Variants in COL6A6 observed in about 807,000 individuals in gnomAD.
COL6A6 encodes collagen type VI alpha 6 chain.
A neutral mutation model predicts 208.6 loss-of-function variants in COL6A6; 183 were observed. That is an observed-to-expected ratio of 0.88 (90% CI 0.78 to 0.99). The LOEUF is 0.99. Ranked by LOEUF, COL6A6 falls within the 50% of genes least tolerant of loss-of-function variation. The pLI, the probability that COL6A6 is intolerant of heterozygous loss-of-function variation, is 0.00. For synonymous variants in COL6A6, 973 were observed against 1,011.8 expected (o/e 0.96, Z 0.73); for missense variants, 2,816 against 2,815.2 (o/e 1.00, Z -0.01).
chr3:130,594,398 G>A, intron 18 of COL6A6, 55 bp downstream of exon 18: 1 of 1,356,554 alleles, frequency 7.4e-7, no homozygotes, highest in East Asian at 2.3e-5. Flanking sequence ...CCGTACTTCT[G>A]ATAGGGAGTC....
intron 26 of COL6A6, among the ~76,000 whole-genome samples, chr3:130,628,303 C>T (rs537183107): frequency 2.0e-5 from 3 of 152,300 alleles, no homozygotes; most frequent in South Asian, 4.1e-4. Context: ...GGCATTGGAA[C>T]ATTAGCCACC....
intron 11 of COL6A6, 53 bp downstream of exon 11, chr3:130,586,713 T>C: frequency 6.5e-7 from 1 of 1,529,828 alleles, no homozygotes; most frequent in Non-Finnish European, 8.9e-7. Flanking sequence ...ATTTTGTATA[T>C]AAGTTTAATA....
At chr3:130,651,991 C>T (rs1226247894) in intron 33 of COL6A6, among the ~76,000 whole-genome samples, 1 of 152,158 alleles carries the variant, frequency 6.6e-6, no homozygotes, top group Non-Finnish European at 1.5e-5. Flanking sequence ...AGAAGTTCAT[C>T]TCAAAAGAGC....
At chr3:130,583,392 T>C (rs2063467704) in intron 10 of COL6A6, among the ~76,000 whole-genome samples, 1 of 152,162 alleles carries the variant, frequency 6.6e-6, no homozygotes, top group Non-Finnish European at 1.5e-5. Context: ...GTGGTTGCTG[T>C]TATTTTGTTT....
rs368029464 is a variant in COL6A6 at position 130,574,329 on chromosome 3, G to C, written c.3351G>C (p.Glu1117Asp). The change falls in exon 8 of 37, where the codon GAG becomes GAC. Residue 1117 changes from glutamate to aspartate, a missense_variant. Transcript: ENST00000358511. ...LVLTDGQSQDEVAQAAEALRH... is the reference protein window; with the variant it reads ...LVLTDGQSQDDVAQAAEALRH... ...TTACAGATGGCCAGTCCCAAGACGAGGTGGCCCAGGCCGCGGAAGCCCTGA... is the reference window on the plus strand; with the variant it reads ...TTACAGATGGCCAGTCCCAAGACGACGTGGCCCAGGCCGCGGAAGCCCTGA... The C allele has an allele frequency of 6.2e-7, 1 of 1,614,012 alleles. No homozygotes were observed. Among genetic ancestry groups the C allele is most frequent in the South Asian group, 1.1e-5 (1 of 91,084 alleles).
In COL6A6 at chr3:130,616,206, C is replaced by CTATAA. The variant is rs1553800957; in HGVS notation, c.4815+5495_4815+5496insTATAA. 3.6e-3 allele frequency among the ~76,000 whole-genome samples: 542 copies of CTATAA among 152,086 alleles called. 5 individuals are homozygous for CTATAA. The highest frequency in any genetic ancestry group is 0.012 in the African/African-American group (517 of 41,498). ...TATTCTTCACCGGTTCTATAAATTC[C>CTATAA]CTGCCATAGGTTTCATATTGTTTTA... On this transcript the variant is annotated intron_variant, in intron 23 of 36. Coordinates refer to ENST00000358511, the MANE Select transcript of COL6A6 (RefSeq NM_001102608.3).
chr3:130,523,454 G>T (rs1711198514), intron 1 of COL6A6, among the ~76,000 whole-genome samples: 1 of 152,146 alleles, frequency 6.6e-6, no homozygotes, highest in South Asian at 2.1e-4. Context: ...CTGAAATCAG[G>T]TTCCTTACTA....
intron 20 of COL6A6, among the ~76,000 whole-genome samples, chr3:130,602,903 A>G (rs1005278886): frequency 1.3e-5 from 2 of 152,296 alleles, no homozygotes; most frequent in African/African-American, 4.8e-5. Flanking sequence ...CATCATTCTC[A>G]TAACAGTAAA....
Position 130,566,987 on chromosome 3 carries a change from T to C in COL6A6, c.1568T>C (p.Leu523Pro). ...ACAGGCGCAGCACTGAATTTCACACTGAGTCTGTTGCAAAAAGCAAAGAAG... is the reference window on the plus strand; with the variant it reads ...ACAGGCGCAGCACTGAATTTCACACCGAGTCTGTTGCAAAAAGCAAAGAAG... ...TNTGAALNFT[L>P]SLLQKAKKQR... Residue 523 changes from leucine (L) to proline (P), a missense_variant, in exon 5 of 37, where the codon CTG becomes CCG. Leu to Pro is a moderately conservative substitution (Grantham distance 98). Transcript: ENST00000358511. 3 of 1,614,060 alleles carry C rather than the reference T, an allele frequency of 1.9e-6. No individual in the cohort carries two copies. The highest frequency in any genetic ancestry group is 4.5e-5 in the East Asian group (2 of 44,884).
At chr3:130,622,289 C>T (rs1267146982) in intron 24 of COL6A6, among the ~76,000 whole-genome samples, 9 of 143,028 alleles carry the variant, frequency 6.3e-5, no homozygotes, top group South Asian at 2.3e-4. Flanking sequence ...ACTGAGCGTT[C>T]GGTTGGGCTG....
In COL6A6 at chr3:130,573,936, G is replaced by A; in HGVS notation, c.2978-20G>A. Reference sequence around the variant, plus strand: ...AGAATAACAATCTGGGTTTTCTGTTGTTCCTTCTCTTCTTTGTAGATTGTG... The same window carrying A: ...AGAATAACAATCTGGGTTTTCTGTTATTCCTTCTCTTCTTTGTAGATTGTG... On this transcript the variant is annotated intron_variant, in intron 7 of 36. Transcript: ENST00000358511. 2 of 1,521,530 alleles carry A rather than the reference G, an allele frequency of 1.3e-6. No homozygotes were observed. The highest frequency in any genetic ancestry group is 2.3e-5 in the East Asian group (1 of 44,296). The allele number at this position is 1,521,530 out of a possible 1,614,324, so 94.3% of individuals were successfully genotyped here.
In COL6A6 at chr3:130,675,339, C is replaced by T. The variant is rs1208047704; in HGVS notation, c.6734C>T (p.Thr2245Ile). Residue 2245 changes from threonine (T) to isoleucine (I), a missense_variant, in exon 37 of 37, where the codon ACC becomes ATC. Transcript: ENST00000358511. ...DDAIQNFMRS[T>I]SHTFKNGRMI... ...GCTATTCAAAATTTTATGAGAAGCA[C>T]CTCCCATACCTTTAAGAATGGAAGG... The T allele has an allele frequency of 3.7e-6, 6 of 1,600,862 alleles. No individual in the cohort carries two copies. The African/African-American group carries it at 8.0e-5, about 21-fold the overall frequency.
chr3:130,627,251 C>A, intron 25 of COL6A6, 68 bp from the exon 26 acceptor site: 1 of 1,450,898 alleles, frequency 6.9e-7, no homozygotes, highest in Non-Finnish European at 9.7e-7. Context: ...GCAATGTTGT[C>A]CTCTTGAAGA....
At chr3:130,575,315 A>G (rs996314390) in intron 8 of COL6A6, among the ~76,000 whole-genome samples, 1 of 152,236 alleles carries the variant, frequency 6.6e-6, no homozygotes, top group African/African-American at 2.4e-5. Context: ...GTTCAAAAGA[A>G]CATTGTGAGG....
chr3:130,615,332 T>A (rs1373688606), intron 23 of COL6A6, among the ~76,000 whole-genome samples: 1 of 152,168 alleles, frequency 6.6e-6, no homozygotes, highest in Non-Finnish European at 1.5e-5. Context: ...TTTTTCTAAT[T>A]TGCTGAGGAT....
Position 130,571,184 on chromosome 3 carries a change from C to G in COL6A6, c.2768C>G (p.Ser923Cys). 3.1e-6 allele frequency: 5 copies of G among 1,613,378 alleles called. No homozygotes were observed. The highest frequency in any genetic ancestry group is 4.2e-6 in the Non-Finnish European group (5 of 1,179,568). ...QVLIVITDGE[S>C]HDADKLNATA... Reference sequence around the variant, plus strand: ...CTCATTGTGATCACCGATGGGGAATCCCATGATGCTGATAAACTCAATGCC... The same window carrying G: ...CTCATTGTGATCACCGATGGGGAATGCCATGATGCTGATAAACTCAATGCC... The change falls in exon 7 of 37, where the codon TCC (serine) becomes TGC (cysteine). Residue 923 changes from serine to cysteine, a missense_variant. Ser to Cys is a moderately radical substitution (Grantham distance 112, BLOSUM62 -1). Transcript: ENST00000358511.
In COL6A6 at chr3:130,635,771, T is replaced by C; in HGVS notation, c.5091+10T>C. The C allele has an allele frequency of 6.2e-7, 1 of 1,604,234 alleles. No individual in the cohort carries two copies. The highest frequency in any genetic ancestry group is 8.5e-7 in the Non-Finnish European group (1 of 1,171,670). ...AGCTAGAGGCAAAATGGTAAGCTTC[T>C]TAGATTCCAATTGCTGACAACCTCA... On this transcript the variant is annotated intron_variant, in intron 28 of 36. Coordinates refer to ENST00000358511, the MANE Select transcript of COL6A6 (RefSeq NM_001102608.3).
rs151016460 is a variant in COL6A6, at chr3:130,597,393, T to G, written c.4534-972T>G. On this transcript the variant is annotated intron_variant, in intron 18 of 36. Coordinates refer to ENST00000358511, the MANE Select transcript of COL6A6 (RefSeq NM_001102608.3). The stretch of plus-strand genomic sequence containing the variant: ...CCATCTTTTTCATCCCATTAACTTA[T>G]AAGCTCTGTAAGTACAAAACCATTT... Among the ~76,000 whole-genome samples the G allele has an allele frequency of 1.4e-3, 215 of 152,354 alleles. 4 individuals carry two copies. The East Asian group carries it at 0.034, about 24-fold the overall frequency.
rs762764814 is a variant in COL6A6, at chr3:130,563,141, GA to G, written c.142del (p.Met48CysfsTer6). On this transcript the variant is annotated frameshift_variant, in exon 3 of 37. Coordinates refer to ENST00000358511, the MANE Select transcript of COL6A6 (RefSeq NM_001102608.3). LOFTEE classifies it high-confidence loss of function. The stretch of plus-strand genomic sequence containing the variant: ...TGGGATCCAAGTCCTTCCCATTTGT[GA>G]AAATGTTCATCACCAAAATGATCAG... ...RLGSKSFPFV[K>X]MFITKMISSL... 1.8e-5 allele frequency: 29 copies of G among 1,613,866 alleles called. No individual in the cohort carries two copies. The highest frequency in any genetic ancestry group is 1.9e-5 in the Non-Finnish European group (23 of 1,179,892).
Sources: allele counts gnomAD v4.1 joint callset (sites outside exome capture counted in the v4.1 genomes callset), GRCh38; gene constraint gnomAD v4.1.1; transcripts MANE v1.5; gene names NCBI Gene and HGNC (gene_info 2026-07-23, HGNC 2026-07-21).